TNKS2: variants seen among roughly 807,000 people sequenced by gnomAD.
The protein encoded by TNKS2 is poly [ADP-ribose] polymerase tankyrase-2.
TNKS2 carries 72 observed loss-of-function variants against 137.6 expected under a neutral mutation model. The observed-to-expected ratio is 0.52, with a 90% confidence interval of 0.43 to 0.64. The LOEUF is 0.64. TNKS2 is among the 30% of genes least tolerant of loss of function. The probability of loss-of-function intolerance (pLI) is 0.00; values close to 1 mark genes in which losing one functional copy is unlikely to be tolerated. For synonymous variants in TNKS2, 516 were observed against 512.1 expected, an observed-to-expected ratio of 1.01 and a Z score of -0.10; for missense variants, 1,049 against 1,410.2, an observed-to-expected ratio of 0.74 and a Z score of 4.10.
intron 13 of TNKS2, among the ~76,000 whole-genome samples, chr10:91,838,833 GGAAA>G (rs1842117183): frequency 1.3e-5 from 2 of 152,240 alleles, no homozygotes; most frequent in South Asian, 4.1e-4. Flanking sequence ...GTAAAAAGGG[GGAAA>G]GAGTTTTTAC....
intron 25 of TNKS2, 26 bp from the exon 26 acceptor site, chr10:91,861,973 G>T: frequency 1.3e-6 from 2 of 1,589,628 alleles, no homozygotes; most frequent in East Asian, 2.3e-5. Flanking sequence ...TGACTTCAGG[G>T]TGATCTTTTC....
intron 10 of TNKS2, 24 bp from the exon 11 acceptor site, chr10:91,831,079 T>G: frequency 6.2e-7 from 1 of 1,613,476 alleles, no homozygotes; most frequent in Non-Finnish European, 8.5e-7. Context: ...ATATTCACTG[T>G]CTGGCTGATT....
intron 13 of TNKS2, among the ~76,000 whole-genome samples, chr10:91,839,969 A>G (rs946307566): frequency 1.3e-5 from 2 of 152,186 alleles, no homozygotes; most frequent in African/African-American, 2.4e-5. Context: ...GATGATTGGC[A>G]CTTAGTTTAC....
chr10:91,807,742 C>A (rs1215778371), intron 1 of TNKS2, among the ~76,000 whole-genome samples: 1 of 152,116 alleles, frequency 6.6e-6, no homozygotes, highest in East Asian at 1.9e-4. Context: ...TGCCTGTAAT[C>A]CCAGCACTTC....
In TNKS2 at chr10:91,798,896, G is replaced by C. The variant is rs770083725; in HGVS notation, c.199+7G>C. ...CCGCTGCACTTCGCCGCAGGTAACC[G>C]GGGCCAGCGTCCCCTCGCCTCGCTC... On this transcript the variant is annotated splice_region_variant and intron_variant, in intron 1 of 26. Transcript: ENST00000371627. 2.4e-4 allele frequency: 335 copies of C among 1,377,944 alleles called. No homozygotes were observed. The highest frequency in any genetic ancestry group is 3.0e-4 in the Non-Finnish European group (318 of 1,057,226). 85.4% of individuals were successfully genotyped at this position (1,377,944 alleles called of 1,614,324 possible).
rs1842870683 is a variant in TNKS2 at position 91,862,210 on chromosome 10, T to C, written c.3438+55T>C. 3.6e-6 allele frequency: 5 copies of C among 1,377,816 alleles called. No homozygotes were observed. In the East Asian group the frequency reaches 1.1e-4, roughly 29 times the overall value. The allele number at this position is 1,377,816 out of a possible 1,614,324, so 85.3% of individuals were successfully genotyped here. On this transcript the variant is annotated intron_variant, in intron 26 of 26. Transcript: ENST00000371627. ...AAATGCTAGGGAGGCATACTTTAAC[T>C]TTTTATTAATCTCTTGAATTGACAA...
rs1017241048 is a variant in TNKS2, at chr10:91,863,879, A to G, written c.*880A>G. ...AACTAAATCTTGCTGTTGAACAATTATTGTGTTCTTTTCATGGAACATAAG... is the reference window on the plus strand; with the variant it reads ...AACTAAATCTTGCTGTTGAACAATTGTTGTGTTCTTTTCATGGAACATAAG... On this transcript the variant is annotated 3_prime_UTR_variant, in exon 27 of 27. Transcript: ENST00000371627. 3 of 152,004 alleles carry G rather than the reference A, an allele frequency of 2.0e-5. No homozygotes were observed. Among genetic ancestry groups the G allele is most frequent in the African/African-American group, 7.2e-5 (3 of 41,388 alleles). 9.4% of individuals were successfully genotyped at this position (152,004 alleles called of 1,614,324 possible). A position where few individuals can be genotyped will look rare whatever the true frequency, so the allele number is the denominator to read the frequency against.
At chr10:91,836,795 G>C (rs1454925143) in intron 12 of TNKS2, 124 bp from the exon 13 acceptor site, 2 of 1,420,590 alleles carry the variant, frequency 1.4e-6, no homozygotes, top group African/African-American at 2.9e-5. Context: ...CTACCATGGA[G>C]ATCTCGTACA....
intron 13 of TNKS2, among the ~76,000 whole-genome samples, chr10:91,838,036 A>ATTTTTTTTT (rs71025367): frequency 4.1e-4 from 21 of 51,238 alleles, no homozygotes; most frequent in East Asian, 1.6e-3. Context: ...CAATTAGCTG[A>ATTTTTTTTT]TTTTTTTTTT....
At chr10:91,819,582 G>A (rs367594444) in intron 5 of TNKS2, 25 bp downstream of exon 5, 9 of 1,530,918 alleles carry the variant, frequency 5.9e-6, no homozygotes, top group Non-Finnish European at 7.9e-6. Flanking sequence ...AACTGAGTTT[G>A]TGCTTATCTC....
chr10:91,810,906 CTCTCTTT>C (rs1189631930), intron 1 of TNKS2, among the ~76,000 whole-genome samples: 92 of 109,562 alleles, frequency 8.4e-4, no homozygotes, highest in African/African-American at 3.1e-3. Flanking sequence ...TCTTTTCTTT[CTCTCTTT>C]TCTTTTCTTT....
intron 1 of TNKS2, among the ~76,000 whole-genome samples, chr10:91,802,608 T>C: frequency 6.6e-6 from 1 of 152,224 alleles, no homozygotes; most frequent in South Asian, 2.1e-4. Flanking sequence ...AATTGAAGGC[T>C]TTAGCTGCTC....
At chr10:91,842,070 A>T (rs1443038634) in intron 15 of TNKS2, 102 bp from the exon 16 acceptor site, 1 of 638,530 alleles carries the variant, frequency 1.6e-6, no homozygotes, top group Non-Finnish European at 2.7e-6. Context: ...TCTCAATATA[A>T]ATTTAGTTTT....
At chr10:91,815,948 CTTTTTTTTTT>C (rs10691725) in intron 2 of TNKS2, among the ~76,000 whole-genome samples, 2 of 125,160 alleles carry the variant, frequency 1.6e-5, no homozygotes, top group East Asian at 2.3e-4. Flanking sequence ...AAGACTTTCT[CTTTTTTTTTT>C]TTTTTTTTGA....
chr10:91,802,096 CTTATT>C (rs1844190114), intron 1 of TNKS2, among the ~76,000 whole-genome samples: 1 of 152,100 alleles, frequency 6.6e-6, no homozygotes, highest in South Asian at 2.1e-4. Flanking sequence ...CAAGGTAACA[CTTATT>C]TTATATTTAT....
At chr10:91,840,100 A>G (rs560262084) in intron 13 of TNKS2, among the ~76,000 whole-genome samples, 135 of 152,244 alleles carry the variant, frequency 8.9e-4, no homozygotes, top group Non-Finnish European at 1.7e-3. Context: ...TAGCATTTGG[A>G]AGGCCAAGGT....
intron 18 of TNKS2, 136 bp from the exon 19 acceptor site, chr10:91,848,247 A>T: frequency 9.9e-7 from 1 of 1,010,724 alleles, no homozygotes; most frequent in South Asian, 2.0e-5. Context: ...TTCACTTTTT[A>T]AAATGAATAA....
At chr10:91,851,104 G>C in intron 20 of TNKS2, 112 bp from the exon 21 acceptor site, 2 of 1,353,962 alleles carry the variant, frequency 1.5e-6, no homozygotes, top group Non-Finnish European at 2.0e-6. Flanking sequence ...TTTTAGAAAT[G>C]TTTAAAATAA....
intron 11 of TNKS2, among the ~76,000 whole-genome samples, 189 bp from the exon 12 acceptor site, chr10:91,833,664 T>G (rs1841894308): frequency 6.6e-6 from 1 of 152,202 alleles, no homozygotes; most frequent in Admixed American, 6.5e-5. Context: ...GAGTCTTCCT[T>G]CTGATGGTAG....
Sources: gnomAD v4.1 joint callset for allele counts (sites outside exome capture counted in the v4.1 genomes callset) on GRCh38, gnomAD v4.1.1 for gene constraint, MANE v1.5 for transcripts, NCBI Gene and HGNC (gene_info 2026-07-23, HGNC 2026-07-21) for gene names.